The following SLC25A51 variants were observed in gnomAD, a reference collection of about 807,000 sequenced individuals.
SLC25A51 encodes mitochondrial nicotinamide adenine dinucleotide transporter SLC25A51.
A neutral mutation model predicts 19.1 loss-of-function variants in SLC25A51; 11 were observed. The ratio of observed to expected loss-of-function variants is 0.58; its 90% CI spans 0.36 to 0.96. The LOEUF (loss-of-function observed/expected upper bound fraction) is 0.96, where lower values mean the gene tolerates loss of function less well. Ranked by LOEUF, SLC25A51 falls within the 40% of genes least tolerant of loss-of-function variation. SLC25A51 has a pLI of 0.01. For synonymous variants in SLC25A51, 105 were observed against 133.6 expected (o/e 0.79, Z 1.47); for missense variants, 201 against 365.4 (o/e 0.55, Z 3.67).
chr9:37,891,100 C>T (rs1284956872), intron 2 of SLC25A51, among the ~76,000 whole-genome samples: 2 of 152,224 alleles, frequency 1.3e-5, no homozygotes, highest in Non-Finnish European at 2.9e-5. Flanking sequence ...GCCAGAGCCA[C>T]CAATGTGTAA....
chr9:37,893,450 G>A (rs1203385569), intron 2 of SLC25A51, among the ~76,000 whole-genome samples: 1 of 152,186 alleles, frequency 6.6e-6, no homozygotes, highest in Non-Finnish European at 1.5e-5. Flanking sequence ...AATACAAGGA[G>A]TCAGGAAACT....
chr9:37,896,240 A>G (rs894792293), intron 2 of SLC25A51, among the ~76,000 whole-genome samples: 3 of 152,034 alleles, frequency 2.0e-5, no homozygotes, highest in Non-Finnish European at 4.4e-5. Flanking sequence ...CTAAATACCC[A>G]CGGGCGTTTG....
chr9:37,891,874 A>G (rs1831597864), intron 2 of SLC25A51, among the ~76,000 whole-genome samples: 1 of 143,876 alleles, frequency 7.0e-6, no homozygotes, highest in African/African-American at 2.6e-5. Flanking sequence ...AATTTTATAT[A>G]TATATATATA....
chr9:37,891,058 A>G (rs1268356589), intron 2 of SLC25A51, among the ~76,000 whole-genome samples: 2 of 152,268 alleles, frequency 1.3e-5, no homozygotes, highest in Non-Finnish European at 2.9e-5. Flanking sequence ...AGAAAGAATC[A>G]GATAGCATTA....
intron 1 of SLC25A51, among the ~76,000 whole-genome samples, chr9:37,902,335 A>G (rs1831866012): frequency 6.6e-6 from 1 of 152,224 alleles, no homozygotes. Context: ...GAAGTTAACC[A>G]TTTATTGACC....
At position 37,889,277 on chromosome 9, in the gene SLC25A51, T is replaced by C. The variant is rs150012373; in HGVS notation, c.-42-685A>G. On this transcript the variant is annotated intron_variant, in intron 2 of 2. Transcript: ENST00000242275. Reference sequence around the variant, plus strand: ...CATGCACTCATTCTATTCATATTTATACTTCTTTGGTACCTACTATGAACT... The same window carrying C: ...CATGCACTCATTCTATTCATATTTACACTTCTTTGGTACCTACTATGAACT... 2.4e-3 allele frequency among the ~76,000 whole-genome samples: 361 copies of C among 152,340 alleles called. 2 individuals are homozygous for C. Among genetic ancestry groups the C allele is most frequent in the African/African-American group, 8.4e-3 (348 of 41,586 alleles).
Position 37,887,935 on chromosome 9 carries a change from T to C in SLC25A51, c.616A>G (p.Thr206Ala). 4.3e-6 allele frequency: 7 copies of C among 1,611,888 alleles called. No individual in the cohort carries two copies. Among genetic ancestry groups the C allele is most frequent in the Non-Finnish European group, 5.9e-6 (7 of 1,179,836 alleles). The stretch of plus-strand genomic sequence containing the variant: ...TCATTGACCAGATGAGCACTGTGAG[T>C]CGTTGCGGTAGGCAGATGCTCCTTA... ...PIKEHLPTAT[T>A]HSAHLVNDFI... The change falls in exon 3 of 3, where the codon ACT becomes GCT. Residue 206 changes from threonine to alanine, a missense_variant. By Grantham distance (58) the Thr-to-Ala change is moderately conservative. Transcript: ENST00000242275.
intron 2 of SLC25A51, among the ~76,000 whole-genome samples, chr9:37,891,286 G>A (rs1311170040): frequency 1.3e-5 from 2 of 152,150 alleles, no homozygotes; most frequent in African/African-American, 2.4e-5. Flanking sequence ...GGTGGGAGGC[G>A]CCTCTGCCCG....
intron 1 of SLC25A51, among the ~76,000 whole-genome samples, chr9:37,902,304 A>G (rs1408410863): frequency 6.6e-6 from 1 of 152,236 alleles, no homozygotes; most frequent in Non-Finnish European, 1.5e-5. Context: ...TTATTAAACA[A>G]GCAGAAAACT....
At chr9:37,884,114 CTACT>C (rs1347397823), downstream of SLC25A51, among the ~76,000 whole-genome samples, 3 of 152,160 alleles carry the variant, frequency 2.0e-5, no homozygotes, top group Non-Finnish European at 4.4e-5. Context: ...AACAAGAAAC[CTACT>C]GTCATGTCAG....
intron 2 of SLC25A51, among the ~76,000 whole-genome samples, chr9:37,889,763 T>C (rs550931873): frequency 8.7e-5 from 13 of 149,218 alleles, no homozygotes; most frequent in Middle Eastern, 3.4e-3. Context: ...TGATTGGAAC[T>C]AAGCCAAAGT....
downstream of SLC25A51, among the ~76,000 whole-genome samples, chr9:37,885,343 A>T (rs1388734334): frequency 1.3e-3 from 20 of 15,144 alleles, no homozygotes; most frequent in South Asian, 0.037. Flanking sequence ...AGGTAATGAT[A>T]AAAAAAAAAA....
Position 37,888,663 on chromosome 9 carries a change from C to T in SLC25A51, c.-42-71G>A, listed in dbSNP as rs1831515948. On this transcript the variant is annotated intron_variant, in intron 2 of 2. Coordinates refer to ENST00000242275, the MANE Select transcript of SLC25A51 (RefSeq NM_033412.4). Reference sequence around the variant, plus strand: ...TAAACACATGGGCTTTCTCCCTAATCCATCCTCTAATATCTGGACACCACA... The same window carrying T: ...TAAACACATGGGCTTTCTCCCTAATTCATCCTCTAATATCTGGACACCACA... 2.5e-6 allele frequency: 3 copies of T among 1,214,488 alleles called. No homozygotes were observed. The African/African-American group carries it at 4.6e-5, about 18-fold the overall frequency. 75.2% of individuals were successfully genotyped at this position (1,214,488 alleles called of 1,614,324 possible).
chr9:37,884,424 A>G (rs1408678620), downstream of SLC25A51, among the ~76,000 whole-genome samples: 3 of 152,256 alleles, frequency 2.0e-5, no homozygotes, highest in Non-Finnish European at 4.4e-5. Context: ...ACACAATGGT[A>G]AAACTGGGTT....
chr9:37,894,666 T>C (rs1385467377), intron 2 of SLC25A51, among the ~76,000 whole-genome samples: 1 of 152,156 alleles, frequency 6.6e-6, no homozygotes, highest in Non-Finnish European at 1.5e-5. Context: ...TGTGCAGGTT[T>C]GTTATGTAAA....
intron 2 of SLC25A51, among the ~76,000 whole-genome samples, chr9:37,890,695 TA>T (rs60988477): frequency 1.5e-3 from 216 of 145,438 alleles, no homozygotes; most frequent in Non-Finnish European, 1.4e-3. Flanking sequence ...TACCCTGCTT[TA>T]AAAAAAAAAA....
exon 4 of SLC25A51, chr9:37,880,311 A>G (rs1478214659): frequency 6.6e-6 from 1 of 151,832 alleles, no homozygotes; most frequent in African/African-American, 2.4e-5. Context: ...ACGTCTCAAA[A>G]AAAAAAAAAA....
At chr9:37,880,856 G>A (rs1304008899) in intron 3 of SLC25A51, 1 of 152,172 alleles carries the variant, frequency 6.6e-6, no homozygotes, top group African/African-American at 2.4e-5. Context: ...GGCTGTTCCT[G>A]GTCACACCTA....
downstream of SLC25A51, among the ~76,000 whole-genome samples, chr9:37,886,875 T>C (rs1307402880): frequency 6.6e-6 from 1 of 152,128 alleles, no homozygotes; most frequent in African/African-American, 2.4e-5. Flanking sequence ...ATTAAAAGTA[T>C]AAGCCTGGCT....
Sources: gnomAD v4.1 joint callset for allele counts (sites outside exome capture counted in the v4.1 genomes callset) on GRCh38, gnomAD v4.1.1 for gene constraint, MANE v1.5 for transcripts, NCBI Gene and HGNC (gene_info 2026-07-23, HGNC 2026-07-21) for gene names.